C4orf17: variants seen among roughly 807,000 people sequenced by gnomAD.
C4orf17 encodes uncharacterized protein C4orf17.
Under a neutral mutation model 32.0 loss-of-function variants are expected in C4orf17, and 25 were observed. The observed-to-expected ratio is 0.78, with a 90% confidence interval of 0.57 to 1.09. The LOEUF is 1.09. Ranked by LOEUF, C4orf17 falls within the 50% of genes least tolerant of loss-of-function variation. The probability of loss-of-function intolerance (pLI) is 0.00; values close to 1 mark genes in which losing one functional copy is unlikely to be tolerated. For synonymous variants in C4orf17, 149 were observed against 145.8 expected (o/e 1.02, Z -0.16); for missense variants, 420 against 420.0 (o/e 1.00, Z 0.00).
rs1328511617 is a variant in C4orf17, at chr4:99,524,638, T to G, written c.402+53T>G. ...ATTTAGTTTGACTTCTATAAGTTCC[T>G]CTCCTTTTCTTTACATACCTTTCCG... On this transcript the variant is annotated intron_variant, in intron 4 of 8. Coordinates refer to ENST00000326581, the MANE Select transcript of C4orf17 (RefSeq NM_032149.3). 4.4e-6 allele frequency: 5 copies of G among 1,129,640 alleles called. No homozygotes were observed. In the East Asian group the frequency reaches 1.2e-4, roughly 27 times the overall value. 70.0% of individuals were successfully genotyped at this position (1,129,640 alleles called of 1,614,324 possible).
At chr4:99,541,859 G>A in intron 8 of C4orf17, 51 bp from the exon 9 acceptor site, 1 of 1,279,584 alleles carries the variant, frequency 7.8e-7, no homozygotes, top group Non-Finnish European at 1.1e-6. Context: ...TGGAGAAGGT[G>A]TATTCAGTGT....
chr4:99,521,967 C>A (rs557664076), intron 2 of C4orf17, among the ~76,000 whole-genome samples: 1 of 152,180 alleles, frequency 6.6e-6, no homozygotes, highest in East Asian at 1.9e-4. Context: ...ACCAACTTCT[C>A]CTTCCTCCTT....
At chr4:99,541,848 A>T (rs1723654095) in intron 8 of C4orf17, 62 bp from the exon 9 acceptor site, 1 of 1,177,304 alleles carries the variant, frequency 8.5e-7, no homozygotes. Context: ...CTACTAAAAC[A>T]TGGAGAAGGT....
chr4:99,515,533 T>G (rs1051520992), intron 2 of C4orf17, among the ~76,000 whole-genome samples: 1 of 151,886 alleles, frequency 6.6e-6, no homozygotes, highest in African/African-American at 2.4e-5. Flanking sequence ...CAACACACAC[T>G]GGGGCCATTC....
intron 4 of C4orf17, among the ~76,000 whole-genome samples, 188 bp downstream of exon 4, chr4:99,524,773 C>CGT (rs1432975404): frequency 6.6e-6 from 1 of 152,168 alleles, no homozygotes; most frequent in Non-Finnish European, 1.5e-5. Context: ...GACAAATACA[C>CGT]ACCTGGGAAA....
In C4orf17 at chr4:99,527,820, G is replaced by A. The variant is rs146581949; in HGVS notation, c.403-1995G>A. ...GGTGTTGAAATCGCTAATTATAATTGTGGATTTTTAAATTTCTCTTTCCAT... is the reference window on the plus strand; with the variant it reads ...GGTGTTGAAATCGCTAATTATAATTATGGATTTTTAAATTTCTCTTTCCAT... On this transcript the variant is annotated intron_variant, in intron 4 of 8. Coordinates refer to ENST00000326581, the MANE Select transcript of C4orf17 (RefSeq NM_032149.3). Among the ~76,000 whole-genome samples, 1,147 of 152,270 alleles carry A rather than the reference G, an allele frequency of 7.5e-3. 3 individuals carry two copies. The highest frequency in any genetic ancestry group is 0.011 in the Non-Finnish European group (752 of 68,008).
In C4orf17 at chr4:99,527,996, TTGTTACAAAACTG is replaced by T. The variant is rs567122171; in HGVS notation, c.403-1817_403-1805del. Among the ~76,000 whole-genome samples the T allele has an allele frequency of 2.0e-5, 3 of 152,348 alleles. No homozygotes were observed. In the South Asian group the frequency reaches 6.2e-4, roughly 32 times the overall value. On this transcript the variant is annotated intron_variant, in intron 4 of 8. Transcript: ENST00000326581. ...ACTATTCTTTGCTTTAAAATCTATT[TTGTTACAAAACTG>T]TTCAGATTTTCTATTTCTCCTTGAA...
chr4:99,537,811 A>AT, intron 6 of C4orf17, 61 bp downstream of exon 6: 1 of 1,181,718 alleles, frequency 8.5e-7, no homozygotes, highest in Non-Finnish European at 1.3e-6. Flanking sequence ...AACTGGGAAT[A>AT]TGCCAATATC....
intron 5 of C4orf17, among the ~76,000 whole-genome samples, chr4:99,534,322 A>T (rs962232404): frequency 1.3e-5 from 2 of 152,034 alleles, no homozygotes; most frequent in Admixed American, 1.3e-4. Flanking sequence ...ATCTTTTTTC[A>T]TGGCTGCGTA....
chr4:99,514,812 T>G (rs1723150977), intron 2 of C4orf17, among the ~76,000 whole-genome samples: 1 of 152,160 alleles, frequency 6.6e-6, no homozygotes, highest in Non-Finnish European at 1.5e-5. Flanking sequence ...ACATGCATGT[T>G]TATACCAGAA....
In C4orf17 at chr4:99,529,809, A is replaced by G; in HGVS notation, c.403-6A>G. ...GTATATTGGTTATATTATACTTTTG[A>G]TTTAGGAAGAAATTAAGGCCAAAAG... is the stretch of plus-strand genomic sequence containing the variant. On this transcript the variant is annotated splice_region_variant and splice_polypyrimidine_tract_variant and intron_variant, in intron 4 of 8. Transcript: ENST00000326581. 6.2e-7 allele frequency: 1 copy of G among 1,601,332 alleles called. No individual in the cohort carries two copies. The highest frequency in any genetic ancestry group is 8.5e-7 in the Non-Finnish European group (1 of 1,175,390).
intron 4 of C4orf17, 97 bp downstream of exon 4, chr4:99,524,682 CA>C: frequency 1.4e-6 from 1 of 726,178 alleles, no homozygotes; most frequent in South Asian, 1.8e-5. Context: ...CCATGTTTCA[CA>C]ATATTTTTAC....
In C4orf17 at chr4:99,511,171, A is replaced by C. The variant is rs1723087395; in HGVS notation, c.-195A>C. ...CTAGCTTAAGTGCAGAGATTTAAGGAGATCAACAAAAACTCAGTCTAGACA... is the reference window on the plus strand; with the variant it reads ...CTAGCTTAAGTGCAGAGATTTAAGGCGATCAACAAAAACTCAGTCTAGACA... On this transcript the variant is annotated 5_prime_UTR_variant, in exon 1 of 9. Transcript: ENST00000326581. 2 of 152,184 alleles carry C rather than the reference A, an allele frequency of 1.3e-5. No individual in the cohort carries two copies. The highest frequency in any genetic ancestry group is 4.8e-5 in the African/African-American group (2 of 41,456). 9.4% of individuals were successfully genotyped at this position (152,184 alleles called of 1,614,324 possible).
chr4:99,532,768 G>C lies in C4orf17; in HGVS notation c.546+2810G>C, dbSNP rs77077987. 3.0e-3 allele frequency among the ~76,000 whole-genome samples: 461 copies of C among 152,254 alleles called. 1 individual carries two copies. Among genetic ancestry groups the C allele is most frequent in the Non-Finnish European group, 5.3e-3 (361 of 68,020 alleles). ...TTTAATGTCAAACTACAAAATACTA[G>C]AGTGTGAGGACACAATTAATTTCTT... On this transcript the variant is annotated intron_variant, in intron 5 of 8. Transcript: ENST00000326581.
At chr4:99,527,244 T>C (rs1197892838) in intron 4 of C4orf17, among the ~76,000 whole-genome samples, 1 of 152,242 alleles carries the variant, frequency 6.6e-6, no homozygotes, top group Non-Finnish European at 1.5e-5. Flanking sequence ...TTTAATCCCA[T>C]TGTAGTCAGA....
At chr4:99,537,842 T>C in intron 6 of C4orf17, 92 bp downstream of exon 6, 3 of 915,220 alleles carry the variant, frequency 3.3e-6, no homozygotes, top group South Asian at 1.3e-5. Flanking sequence ...TACCTTGGAT[T>C]TGCAAAGATA....
intron 2 of C4orf17, among the ~76,000 whole-genome samples, chr4:99,519,720 T>C (rs1194931023): frequency 6.6e-6 from 1 of 152,192 alleles, no homozygotes; most frequent in Admixed American, 6.5e-5. Context: ...AAGTGGAAGA[T>C]GAGCAGGACC....
intron 3 of C4orf17, among the ~76,000 whole-genome samples, chr4:99,524,192 A>C (rs146668938): frequency 2.0e-5 from 3 of 152,188 alleles, no homozygotes; most frequent in Middle Eastern, 6.8e-3. Context: ...CGTGTTAGCC[A>C]GGATGGTCTC....
chr4:99,536,505 C>A (rs1295868346), intron 5 of C4orf17, among the ~76,000 whole-genome samples: 3 of 152,210 alleles, frequency 2.0e-5, no homozygotes, highest in African/African-American at 7.2e-5. Context: ...TGGGCATGAT[C>A]TGGCACAGCA....
Sources: allele counts gnomAD v4.1 joint callset (sites outside exome capture counted in the v4.1 genomes callset), GRCh38; gene constraint gnomAD v4.1.1; transcripts MANE v1.5; gene names NCBI Gene and HGNC (gene_info 2026-07-23, HGNC 2026-07-21).